Variants in PAX6 observed in about 807,000 individuals in gnomAD.
PAX6 encodes paired box 6.
PAX6 carries 7 observed loss-of-function variants against 60.7 expected under a neutral mutation model. That is an observed-to-expected ratio of 0.12 (90% CI 0.07 to 0.22). PAX6 has a LOEUF of 0.22. PAX6 is among the 10% of genes least tolerant of loss of function. The pLI, the probability that PAX6 is intolerant of heterozygous loss-of-function variation, is 1.00. For missense variants in PAX6, 355 were observed against 555.2 expected (o/e 0.64, Z 3.62); for synonymous variants, 208 against 201.2 (o/e 1.03, Z -0.29).
At chr11:31,813,060 G>A (rs1957196371), upstream of PAX6, 1 of 152,086 alleles carries the variant, frequency 6.6e-6, no homozygotes, top group Non-Finnish European at 1.5e-5. Context: ...AGCCAGAGGT[G>A]GGGTCGCATA....
rs1474128136 is a variant in PAX6, at chr11:31,794,365, G to A, written c.725-251C>T. On this transcript the variant is annotated intron_variant, in intron 9 of 13. Coordinates refer to ENST00000640368, the MANE Select transcript of PAX6 (RefSeq NM_001368894.2). ...AATCATCATTTTTCCTTATAAGTCA[G>A]ACATTTAGTCTTTGAATTACTGGTA... 4 of 612,696 alleles carry A rather than the reference G, an allele frequency of 6.5e-6. No individual in the cohort carries two copies. In the East Asian group the frequency reaches 1.1e-4, roughly 17 times the overall value. 38.0% of individuals were successfully genotyped at this position (612,696 alleles called of 1,614,324 possible).
chr11:31,793,459 C>T lies in PAX6; in HGVS notation c.1053G>A (p.Met351Ile). 6.2e-7 allele frequency: 1 copy of T among 1,614,204 alleles called. No individual in the cohort carries two copies. The change falls in exon 12 of 14, where the codon ATG becomes ATA. Residue 351 changes from methionine (M) to isoleucine (I), a missense_variant. By Grantham distance (10) the Met-to-Ile change is conservative (BLOSUM62 1). This residue lies in a region of PAX6 where 149 missense variants were observed against 191.9 expected (regional missense o/e 0.78). Coordinates refer to ENST00000640368, the MANE Select transcript of PAX6 (RefSeq NM_001368894.2). ...TTACTTGCATAGGCAGGTTATTTGC[C>T]ATGGTGAAGCTGGGCATAGGCGGCA... ...SALPPMPSFT[M>I]ANNLPMQPPV...
intron 12 of PAX6, 190 bp downstream of exon 12, chr11:31,793,248 G>T: frequency 1.4e-6 from 1 of 698,050 alleles, no homozygotes. Flanking sequence ...ATTTTTTTAG[G>T]GCATGAATTA....
At position 31,799,270 on chromosome 11, in the gene PAX6, G is replaced by C. The variant is rs552710342; in HGVS notation, c.565+1421C>G. 2.6e-3 allele frequency among the ~76,000 whole-genome samples: 392 copies of C among 152,174 alleles called. 1 individual carries two copies. The highest frequency in any genetic ancestry group is 4.9e-3 in the Non-Finnish European group (333 of 67,966). On this transcript the variant is annotated intron_variant, in intron 8 of 13. Transcript: ENST00000640368. The stretch of plus-strand genomic sequence containing the variant: ...GGGGGCCCTCTGAGCTCGCGGAGGC[G>C]GCGGGTTCGGGGCCCGTGCGGGCGG...
rs928825468 is a variant in PAX6, at chr11:31,810,605, G to A, written c.-129+223C>T. 3.8e-5 allele frequency: 13 copies of A among 340,118 alleles called. No homozygotes were observed. The South Asian group carries it at 7.6e-4, about 20-fold the overall frequency. The allele number at this position is 340,118 out of a possible 1,614,324, so 21.1% of individuals were successfully genotyped here. A position where few individuals can be genotyped will look rare whatever the true frequency, so the allele number is the denominator to read the frequency against. On this transcript the variant is annotated intron_variant, in intron 2 of 13. Coordinates refer to ENST00000640368, the MANE Select transcript of PAX6 (RefSeq NM_001368894.2). Reference sequence around the variant, plus strand: ...TGGGGCTGAGCTGGCCGCCCGCCCCGAGCCCTGCGCCGCTCCCGCTCGCCG... The same window carrying A: ...TGGGGCTGAGCTGGCCGCCCGCCCCAAGCCCTGCGCCGCTCCCGCTCGCCG...
chr11:31,801,963 C>A, intron 5 of PAX6, 51 bp from the exon 6 acceptor site: 1 of 1,453,822 alleles, frequency 6.9e-7, no homozygotes, highest in Non-Finnish European at 9.6e-7. Context: ...CTGTAGAGAG[C>A]TTTTTTTCTT....
At position 31,789,912 on chromosome 11, in the gene PAX6, C is replaced by CTTTT. The variant is rs759391101; in HGVS notation, c.*18_*21dup. 6.6e-4 allele frequency: 686 copies of CTTTT among 1,045,128 alleles called. 4 individuals carry two copies. The highest frequency in any genetic ancestry group is 1.7e-3 in the South Asian group (113 of 67,338). 64.7% of individuals were successfully genotyped at this position (1,045,128 alleles called of 1,614,324 possible). On this transcript the variant is annotated 3_prime_UTR_variant, in exon 14 of 14. Coordinates refer to ENST00000640368, the MANE Select transcript of PAX6 (RefSeq NM_001368894.2). ...CTGAATTAACACAATATTTCCTTTC[C>CTTTT]TTTTTTTTTTTTTTTTTTTTTTTAC...
chr11:31,798,261 AC>A (rs1421493736), intron 8 of PAX6, among the ~76,000 whole-genome samples: 1 of 152,012 alleles, frequency 6.6e-6, no homozygotes, highest in African/African-American at 2.4e-5. Context: ...CCCTAAAACC[AC>A]CAAATCGCCG....
intron 5 of PAX6, chr11:31,802,169 A>G (rs772225867): frequency 3.9e-5 from 20 of 506,478 alleles, no homozygotes; most frequent in Non-Finnish European, 6.3e-5. Flanking sequence ...TAAAGAACAA[A>G]GGTAAAAAAT....
chr11:31,806,358 G>A (rs779008470), intron 4 of PAX6, 44 bp downstream of exon 4: 17 of 1,594,342 alleles, frequency 1.1e-5, no homozygotes, highest in Admixed American at 1.7e-5. Flanking sequence ...CCTCGGGTCC[G>A]CGCACCCCGA....
In PAX6 at chr11:31,801,639, C is replaced by A. The variant is rs1323984891; in HGVS notation, c.321G>T (p.Glu107Asp). ...VVSKIAQYKR[E>D]CPSIFAWEIR... ...TTTCCCAAGCAAAGATGGACGGGCA[C>A]TCCCGCTTATACTGGGCTATTTTGC... Residue 107 changes from glutamate to aspartate, a missense_variant, in exon 7 of 14, where the codon GAG becomes GAT. This residue lies in a region of PAX6 where 143 missense variants were observed against 183.6 expected (regional missense o/e 0.78). Transcript: ENST00000640368. 1 of 1,614,056 alleles carries A rather than the reference C, an allele frequency of 6.2e-7. No homozygotes were observed. The highest frequency in any genetic ancestry group is 8.5e-7 in the Non-Finnish European group (1 of 1,180,056).
rs200015827 is a variant in PAX6, at chr11:31,790,769, G to A, written c.1166C>T (p.Pro389Leu). ...ACTGTTCATGTGTGTCTGCATATGT[G>A]GGGGGGTGTAGGTATCATAACTCCG... Reference protein sequence around the residue: ...NGRSYDTYTPPHMQTHMNSQP... With the variant: ...NGRSYDTYTPLHMQTHMNSQP... The change falls in exon 13 of 14, where the codon CCA becomes CTA. Residue 389 changes from proline (P) to leucine (L), a missense_variant. Around this residue, in one of 5 missense-constraint regions of PAX6, gnomAD observed 149 missense variants for 191.9 expected, o/e 0.78. Coordinates refer to ENST00000640368, the MANE Select transcript of PAX6 (RefSeq NM_001368894.2). The A allele has an allele frequency of 2.5e-6, 4 of 1,613,832 alleles. No individual in the cohort carries two copies. The highest frequency in any genetic ancestry group is 2.2e-5 in the East Asian group (1 of 44,858).
At chr11:31,799,815 T>A (rs2134981647) in intron 8 of PAX6, among the ~76,000 whole-genome samples, 1 of 152,276 alleles carries the variant, frequency 6.6e-6, no homozygotes, top group Non-Finnish European at 1.5e-5. Flanking sequence ...CACGTCCCAT[T>A]ATCCCGCATA....
chr11:31,803,809 C>T (rs2135197599), intron 4 of PAX6: 1 of 152,588 alleles, frequency 6.6e-6, no homozygotes, highest in African/African-American at 2.4e-5. Context: ...CCTCCTTTAT[C>T]TTTGTATCTC....
chr11:31,798,911 T>A (rs1952601054), intron 8 of PAX6, among the ~76,000 whole-genome samples: 2 of 152,176 alleles, frequency 1.3e-5, no homozygotes, highest in Admixed American at 6.5e-5. Context: ...GGGTGTATCC[T>A]GCGCCCCAAG....
rs1328818052 is a variant in PAX6 at position 31,794,418 on chromosome 11, CACCACACACACACACACACA to C, written c.724+192_724+211del. 8.2e-4 allele frequency: 382 copies of C among 464,686 alleles called. 1 individual carries two copies. Among genetic ancestry groups the C allele is most frequent in the East Asian group, 1.2e-3 (34 of 28,966 alleles). The allele number at this position is 464,686 out of a possible 1,614,324, so 28.8% of individuals were successfully genotyped here. A position where few individuals can be genotyped will look rare whatever the true frequency, so the allele number is the denominator to read the frequency against. On this transcript the variant is annotated intron_variant, in intron 9 of 13. Transcript: ENST00000640368. ...TGAAAAGAAGAAACACACACACACA[CACCACACACACACACACACA>C]CACACACACACACACACACACACAC...
At chr11:31,802,886 T>A (rs1954581796) in intron 4 of PAX6, 52 bp from the exon 5 acceptor site, 1 of 1,554,784 alleles carries the variant, frequency 6.4e-7, no homozygotes, top group African/African-American at 1.4e-5. Context: ...GAGAGCAGAG[T>A]GAAGAGGAAG....
Position 31,806,395 on chromosome 11 carries a change from C to T in PAX6, c.10+7G>A, listed in dbSNP as rs2135296029. On this transcript the variant is annotated splice_region_variant and intron_variant, in intron 4 of 13. Transcript: ENST00000640368. ...CCCGAAGTCCCAGAAAGACCAGAGG[C>T]ACTTACTGTTCTGCATGCTGGCTCT... 1 of 1,609,252 alleles carries T rather than the reference C, an allele frequency of 6.2e-7. No homozygotes were observed. Among genetic ancestry groups the T allele is most frequent in the African/African-American group, 1.3e-5 (1 of 74,930 alleles).
intron 2 of PAX6, chr11:31,808,149 T>G (rs1956282773): frequency 6.6e-6 from 1 of 152,166 alleles, no homozygotes; most frequent in African/African-American, 2.4e-5. Context: ...CTCTGTTTTT[T>G]TTTAAATGCA....
Sources: gnomAD v4.1 joint callset for allele counts (sites outside exome capture counted in the v4.1 genomes callset) on GRCh38, gnomAD v4.1.1 for gene constraint, gnomAD v4.1.1 regional missense constraint, MANE v1.5 for transcripts, NCBI Gene and HGNC (gene_info 2026-07-23, HGNC 2026-07-21) for gene names.